The following SNRPN variants were observed in gnomAD, a reference collection of about 807,000 sequenced individuals.
SNRPN encodes the protein small nuclear ribonucleoprotein polypeptide N.
In SNRPN, 7 loss-of-function variants were observed where a neutral mutation model predicts 25.2. The ratio of observed to expected loss-of-function variants is 0.28; its 90% CI spans 0.16 to 0.52. The LOEUF (loss-of-function observed/expected upper bound fraction) is 0.52. Among genes scored for constraint, SNRPN ranks in the 20% least tolerant of loss-of-function variants. The pLI, the probability that SNRPN is intolerant of heterozygous loss-of-function variation, is 0.96. For synonymous variants in SNRPN, 124 were observed against 110.6 expected (o/e 1.12, Z -0.76); for missense variants, 196 against 322.5 (o/e 0.61, Z 3.00).
At chr15:24,969,418 C>T (rs1045359563) in intron 3 of SNRPN, among the ~76,000 whole-genome samples, 8 of 152,150 alleles carry the variant, frequency 5.3e-5, no homozygotes, top group Non-Finnish European at 7.3e-5. Context: ...CGTGACCTAC[C>T]GCGCCCGGCC....
chr15:24,876,023 C>T (rs1287870362), intron 1 of SNRPN, among the ~76,000 whole-genome samples: 1 of 148,050 alleles, frequency 6.8e-6, no homozygotes, highest in East Asian at 2.0e-4. Context: ...CACTGCACTC[C>T]AGCTTGGGCA....
chr15:24,878,552 G>T (rs12906774), intron 1 of SNRPN, among the ~76,000 whole-genome samples: 1 of 152,050 alleles, frequency 6.6e-6, no homozygotes, highest in African/African-American at 2.4e-5. Context: ...GTTAACCTGC[G>T]TTTTACTCGT....
chr15:24,905,432 C>T (rs2058734209), intron 2 of SNRPN, among the ~76,000 whole-genome samples: 1 of 151,578 alleles, frequency 6.6e-6, no homozygotes, highest in Admixed American at 6.6e-5. Flanking sequence ...TCGCTTGAAC[C>T]CGGGAGGCGG....
At position 24,954,994 on chromosome 15, in the gene SNRPN, G is replaced by C. The variant is rs541877352; in HGVS notation, c.-459G>C. ...TGCTGCAGCGAGTCTGGCGCAGAGTGGAGCGGCCGCCGGAGATGCCTGACG... is the reference window on the plus strand; with the variant it reads ...TGCTGCAGCGAGTCTGGCGCAGAGTCGAGCGGCCGCCGGAGATGCCTGACG... On this transcript the variant is annotated 5_prime_UTR_variant, in exon 1 of 10. Transcript: ENST00000390687. 2.0e-5 allele frequency: 33 copies of C among 1,609,948 alleles called. No homozygotes were observed. The African/African-American group carries it at 3.9e-4, about 19-fold the overall frequency.
At chr15:24,834,840 C>T (rs1380514842) in intron 2 of SNRPN, among the ~76,000 whole-genome samples, 4 of 136,242 alleles carry the variant, frequency 2.9e-5, no homozygotes, top group African/African-American at 8.1e-5. Flanking sequence ...GCAGGAGAAT[C>T]GCTTGAATCT....
chr15:24,915,094 G>C (rs530697652), intron 2 of SNRPN, among the ~76,000 whole-genome samples: 33 of 152,102 alleles, frequency 2.2e-4, no homozygotes, highest in South Asian at 8.3e-4. Flanking sequence ...AGGGTGATCA[G>C]ATATCAAGGA....
chr15:24,976,316 C>A lies in SNRPN; in HGVS notation c.167C>A (p.Ala56Glu), dbSNP rs571239725. Residue 56 changes from alanine (A) to glutamate (E), a missense_variant, in exon 6 of 10, where the codon GCG (alanine) becomes GAG (glutamate). Coordinates refer to ENST00000390687, the MANE Select transcript of SNRPN (RefSeq NM_003097.6). ...DEFRKIKPKN[A>E]KQPEREEKRV... ...ATTCTGATTTGTAGGCCAAAGAATG[C>A]GAAGCAACCAGAGCGTGAAGAAAAG... is the stretch of plus-strand genomic sequence containing the variant. 2 of 1,613,240 alleles carry A rather than the reference C, an allele frequency of 1.2e-6. No homozygotes were observed. Among genetic ancestry groups the A allele is most frequent in the Non-Finnish European group, 1.7e-6 (2 of 1,179,548 alleles).
chr15:24,891,236 T>G (rs1217717336), intron 2 of SNRPN, among the ~76,000 whole-genome samples: 1 of 152,154 alleles, frequency 6.6e-6, no homozygotes, highest in Non-Finnish European at 1.5e-5. Flanking sequence ...AATGGCATTT[T>G]TTTTGAGACA....
chr15:24,867,475 C>T (rs998197357), intron 1 of SNRPN, among the ~76,000 whole-genome samples: 2 of 151,726 alleles, frequency 1.3e-5, no homozygotes, highest in Admixed American at 6.6e-5. Context: ...CCCTGGTTCA[C>T]GCCATTCTCC....
rs143345528 is a variant in SNRPN, at chr15:24,874,015, G to GAA, written c.-578-12488_-578-12487dup. Among the ~76,000 whole-genome samples the GAA allele has an allele frequency of 5.0e-4, 64 of 127,230 alleles. 1 individual carries two copies. The highest frequency in any genetic ancestry group is 4.5e-3 in the East Asian group (20 of 4,484). The allele number at this position is 127,230 out of a possible 152,430, so 83.5% of individuals were successfully genotyped here. A position where few individuals can be genotyped will look rare whatever the true frequency, so the allele number is the denominator to read the frequency against. ...AAACTCACTTAAATATTCATCTTCA[G>GAA]AAAAAAAAAAAAAAGGCTGCCCGCT... On this transcript the variant is annotated intron_variant, in intron 1 of 11. Coordinates refer to the SNRPN transcript ENST00000400097.
At chr15:24,913,132 G>A (rs141113913) in intron 2 of SNRPN, among the ~76,000 whole-genome samples, 6 of 152,062 alleles carry the variant, frequency 3.9e-5, no homozygotes, top group Middle Eastern at 6.8e-3. Context: ...TAGAGACAGG[G>A]TTTCACCATG....
chr15:24,866,271 T>G (rs962626588), intron 1 of SNRPN, among the ~76,000 whole-genome samples: 12 of 152,176 alleles, frequency 7.9e-5, no homozygotes, highest in Admixed American at 2.0e-4. Flanking sequence ...ATGAGATGTA[T>G]GTACTATGTA....
At chr15:24,913,208 G>A (rs964836406) in intron 2 of SNRPN, among the ~76,000 whole-genome samples, 4 of 152,056 alleles carry the variant, frequency 2.6e-5, no homozygotes, top group African/African-American at 9.7e-5. Context: ...CCAAAGTGCT[G>A]GGATTACAGA....
intron 1 of SNRPN, among the ~76,000 whole-genome samples, chr15:24,874,310 A>AG (rs2149065889): frequency 2.9e-5 from 1 of 34,332 alleles, no homozygotes; most frequent in Non-Finnish European, 5.3e-5. Context: ...ACTCTGTCTC[A>AG]AAAAAAAAAA....
At chr15:24,856,624 T>G (rs2053422774) in exon 1 of SNRPN, 2 of 152,238 alleles carry the variant, frequency 1.3e-5, no homozygotes, top group African/African-American at 4.8e-5. Flanking sequence ...CTGGAGCTGT[T>G]TGAGGAATGC....
chr15:24,918,524 G>GCGCATA (rs1399439918), intron 2 of SNRPN, among the ~76,000 whole-genome samples: 1 of 113,968 alleles, frequency 8.8e-6, no homozygotes, highest in Non-Finnish European at 1.8e-5. Flanking sequence ...ATATATATGT[G>GCGCATA]TATATATAAC....
At chr15:24,890,966 A>T (rs34591048) in intron 2 of SNRPN, among the ~76,000 whole-genome samples, 3,338 of 152,076 alleles carry the variant, frequency 0.022, 49 homozygotes, top group Non-Finnish European at 0.034. Flanking sequence ...GCTGCAGTGC[A>T]GTGTCATGAT....
chr15:24,862,526 G>T (rs1174960601), intron 1 of SNRPN, among the ~76,000 whole-genome samples: 1 of 151,110 alleles, frequency 6.6e-6, no homozygotes, highest in African/African-American at 2.5e-5. Context: ...GAGAGTCACT[G>T]ATTCATTAGT....
chr15:24,973,909 A>G (rs1401270244), intron 3 of SNRPN, among the ~76,000 whole-genome samples: 1 of 152,192 alleles, frequency 6.6e-6, no homozygotes, highest in Non-Finnish European at 1.5e-5. Flanking sequence ...GCAAATGACA[A>G]CATAGGTATT....
Sources: allele counts gnomAD v4.1 joint callset (sites outside exome capture counted in the v4.1 genomes callset), GRCh38; gene constraint gnomAD v4.1.1; transcripts MANE v1.5; gene names NCBI Gene and HGNC (gene_info 2026-07-23, HGNC 2026-07-21).